Variants in BBS2 observed in about 807,000 individuals in gnomAD.
BBS2 encodes the protein Bardet-Biedl syndrome 2.
Under a neutral mutation model 83.0 loss-of-function variants are expected in BBS2, and 62 were observed. That is an observed-to-expected ratio of 0.75 (90% CI 0.61 to 0.92). The LOEUF is 0.92. BBS2 is among the 40% of genes least tolerant of loss of function. BBS2 has a pLI of 0.00. For missense variants in BBS2, 784 were observed against 901.0 expected (o/e 0.87, Z 1.66); for synonymous variants, 303 against 326.1 (o/e 0.93, Z 0.76).
At chr16:56,516,429 C>T (rs1964751435) in intron 1 of BBS2, among the ~76,000 whole-genome samples, 1 of 152,190 alleles carries the variant, frequency 6.6e-6, no homozygotes, top group African/African-American at 2.4e-5. Flanking sequence ...CGGAGTCTTG[C>T]TCTATTGCCC....
At position 56,496,998 on chromosome 16, in the gene BBS2, C is replaced by T. The variant is rs149473225; in HGVS notation, c.1879G>A (p.Gly627Arg). The change falls in exon 15 of 17, where the codon GGA (glycine) becomes AGA (arginine). Residue 627 changes from glycine to arginine, a missense_variant. Transcript: ENST00000245157. Reference protein sequence around the residue: ...HSNLIRSLLVGAEDARLMRDM... With the variant: ...HSNLIRSLLVRAEDARLMRDM... ...CTCATCAGACGAGCATCCTCAGCTC[C>T]GACCAGCAAACTTCGGATCAAATTA... is the stretch of plus-strand genomic sequence containing the variant. 145 of 1,613,886 alleles carry T rather than the reference C, an allele frequency of 9.0e-5. No individual in the cohort carries two copies. Among genetic ancestry groups the T allele is most frequent in the Middle Eastern group, 1.6e-4 (1 of 6,084 alleles).
downstream of BBS2, among the ~76,000 whole-genome samples, chr16:56,480,356 A>AAAAAAAAAAAAAAC (rs1338991655): frequency 9.9e-6 from 1 of 100,772 alleles, no homozygotes; most frequent in African/African-American, 3.6e-5. Context: ...CACACACAAA[A>AAAAAAAAAAAAAAC]AAAAAAAAAC....
At chr16:56,479,100 T>G (rs1963595257) in intron 17 of BBS2, 1 of 152,230 alleles carries the variant, frequency 6.6e-6, no homozygotes, top group African/African-American at 2.4e-5. Context: ...TGTTCACCTG[T>G]AAAATATATG....
intron 2 of BBS2, among the ~76,000 whole-genome samples, chr16:56,512,750 C>A (rs1240291427): frequency 2.0e-5 from 3 of 152,138 alleles, no homozygotes; most frequent in Non-Finnish European, 4.4e-5. Flanking sequence ...TGAAAATGTT[C>A]TCTATTTTTA....
Position 56,505,531 on chromosome 16 carries a change from T to C in BBS2, c.804+419A>G, listed in dbSNP as rs545210890. Among the ~76,000 whole-genome samples, 45 of 152,210 alleles carry C rather than the reference T, an allele frequency of 3.0e-4. 1 individual carries two copies. Among genetic ancestry groups the C allele is most frequent in the Middle Eastern group, 3.4e-3 (1 of 294 alleles). ...GCAAAAGGATTTTATTTTAAAGTTA[T>C]AGCTCAGAAAACAATATGCTAACAT... On this transcript the variant is annotated intron_variant, in intron 7 of 16. Coordinates refer to ENST00000245157, the MANE Select transcript of BBS2 (RefSeq NM_031885.5).
intron 9 of BBS2, 73 bp from the exon 10 acceptor site, chr16:56,501,570 C>A: frequency 6.3e-7 from 1 of 1,574,858 alleles, no homozygotes; most frequent in Non-Finnish European, 8.7e-7. Flanking sequence ...AATAATATTG[C>A]TATTCAGCTT....
At chr16:56,471,989 T>G (rs1963213125) in intron 17 of BBS2, among the ~76,000 whole-genome samples, 1 of 152,094 alleles carries the variant, frequency 6.6e-6, no homozygotes, top group Non-Finnish European at 1.5e-5. Flanking sequence ...TGAGACACGG[T>G]CTTGCACTGT....
chr16:56,479,401 G>A (rs1226306751), downstream of BBS2, among the ~76,000 whole-genome samples: 1 of 152,120 alleles, frequency 6.6e-6, no homozygotes, highest in African/African-American at 2.4e-5. Context: ...TTGAACCCAG[G>A]AGGGAGGCAG....
Position 56,498,460 on chromosome 16 carries a change from T to A in BBS2, c.1636A>T (p.Ile546Leu). 6.2e-7 allele frequency: 1 copy of A among 1,614,088 alleles called. No individual in the cohort carries two copies. The highest frequency in any genetic ancestry group is 2.2e-5 in the East Asian group (1 of 44,862). Residue 546 changes from isoleucine (I) to leucine (L), a missense_variant, in exon 13 of 17, where the codon ATA (isoleucine) becomes TTA (leucine). By Grantham distance (5) the Ile-to-Leu change is conservative. Coordinates refer to ENST00000245157, the MANE Select transcript of BBS2 (RefSeq NM_031885.5). ...TSLRNGGHLH[I>L]KIKLSGEITI... ...ACCTCTCCACTAAGTTTTATTTTTA[T>A]ATGCAGGTGGCCGCCATTCCGTAAA...
At chr16:56,471,466 A>G (rs998783929) in intron 17 of BBS2, among the ~76,000 whole-genome samples, 17 of 152,218 alleles carry the variant, frequency 1.1e-4, no homozygotes, top group Admixed American at 1.1e-3. Flanking sequence ...TCTGAATATA[A>G]CAGCCTAAGA....
chr16:56,496,705 A>C (rs1964124231), intron 15 of BBS2, among the ~76,000 whole-genome samples: 1 of 152,222 alleles, frequency 6.6e-6, no homozygotes, highest in Non-Finnish European at 1.5e-5. Flanking sequence ...TTTATAAACA[A>C]TGCCTTTACA....
In BBS2 at chr16:56,511,389, G is replaced by T. The variant is rs1597024998; in HGVS notation, c.346-105C>A. The T allele has an allele frequency of 6.0e-6, 9 of 1,489,440 alleles. No individual in the cohort carries two copies. In the East Asian group the frequency reaches 1.8e-4, roughly 30 times the overall value. The allele number at this position is 1,489,440 out of a possible 1,614,324, so 92.3% of individuals were successfully genotyped here. A position where few individuals can be genotyped will look rare whatever the true frequency, so the allele number is the denominator to read the frequency against. On this transcript the variant is annotated intron_variant, in intron 2 of 16. Transcript: ENST00000245157. Reference sequence around the variant, plus strand: ...AACTGAGCAGATTTTGAGTAAAACAGATTATTATCCATAATGTGGGTGGGC... The same window carrying T: ...AACTGAGCAGATTTTGAGTAAAACATATTATTATCCATAATGTGGGTGGGC...
At position 56,497,032 on chromosome 16, in the gene BBS2, A is replaced by G. The variant is rs1964133464; in HGVS notation, c.1845T>C (p.Ala615=). Reference sequence around the variant, plus strand: ...AACTTCGGATCAAATTAGAATGATCAGCCATATCAGCACTGAGCTTCTGAT... The same window carrying G: ...AACTTCGGATCAAATTAGAATGATCGGCCATATCAGCACTGAGCTTCTGAT... ...SVHQKLSADM[A]DHSNLIRSLL... is the part of the protein sequence containing the mutation. The change falls in exon 15 of 17, where the codon GCT becomes GCC. Residue 615 remains alanine, a synonymous_variant. Transcript: ENST00000245157. The G allele has an allele frequency of 6.2e-7, 1 of 1,614,166 alleles. No individual in the cohort carries two copies. Among genetic ancestry groups the G allele is most frequent in the Admixed American group, 1.7e-5 (1 of 60,030 alleles).
At chr16:56,480,689 G>A (rs1372580735), downstream of BBS2, among the ~76,000 whole-genome samples, 2 of 152,090 alleles carry the variant, frequency 1.3e-5, no homozygotes, top group African/African-American at 4.8e-5. Flanking sequence ...AAGTTTTGGG[G>A]TGCATTACTG....
In BBS2 at chr16:56,500,919, A is replaced by G; in HGVS notation, c.1332T>C (p.Pro444=). 3 of 1,614,196 alleles carry G rather than the reference A, an allele frequency of 1.9e-6. No individual in the cohort carries two copies. Among genetic ancestry groups the G allele is most frequent in the Non-Finnish European group, 2.5e-6 (3 of 1,180,018 alleles). Residue 444 remains proline, a synonymous_variant, in exon 11 of 17, where the codon CCT becomes CCC. Transcript: ENST00000245157. ...CAGGGACATCTTTGGGAGGCACAAT[A>G]GGGATGCAGATGGAACTGGAGAGGT... The part of the protein sequence containing the change: ...IHNLSSSICI[P]IVPPKDVPVD...
At chr16:56,480,337 TCACA>T (rs201236493), downstream of BBS2, among the ~76,000 whole-genome samples, 2 of 66,702 alleles carry the variant, frequency 3.0e-5, no homozygotes, top group Non-Finnish European at 5.6e-5. Context: ...GAACACCCCC[TCACA>T]CACACACACA....
downstream of BBS2, among the ~76,000 whole-genome samples, chr16:56,481,766 A>T (rs1202820410): frequency 1.3e-5 from 2 of 152,184 alleles, no homozygotes; most frequent in African/African-American, 4.8e-5. Flanking sequence ...GATGAGTTCT[A>T]AGTTGGGGGA....
rs750660247 is a variant in BBS2 at position 56,502,838 on chromosome 16, C to T, written c.805-30G>A. ...AAATAAAACACAAATTTAAAAGTTG[C>T]TTATGCTACATGTTTAAAAACCACA... On this transcript the variant is annotated intron_variant, in intron 7 of 16. Coordinates refer to ENST00000245157, the MANE Select transcript of BBS2 (RefSeq NM_031885.5). The T allele has an allele frequency of 1.9e-6, 3 of 1,613,680 alleles. No individual in the cohort carries two copies. The South Asian group carries it at 3.3e-5, about 18-fold the overall frequency.
At chr16:56,475,713 C>T in intron 17 of BBS2, 1 of 694,756 alleles carries the variant, frequency 1.4e-6, no homozygotes, top group Admixed American at 2.6e-5. Context: ...AGAAAATACT[C>T]AGGATGGAAT....
Sources: allele counts gnomAD v4.1 joint callset (sites outside exome capture counted in the v4.1 genomes callset), GRCh38; gene constraint gnomAD v4.1.1; transcripts MANE v1.5; gene names NCBI Gene and HGNC (gene_info 2026-07-23, HGNC 2026-07-21).